The following KCND2 variants were observed in gnomAD, a reference collection of about 807,000 sequenced individuals.
The protein encoded by KCND2 is A-type voltage-gated potassium channel KCND2.
In KCND2, 16 loss-of-function variants were observed where a neutral mutation model predicts 54.4. That is an observed-to-expected ratio of 0.29 (90% CI 0.20 to 0.45). KCND2 has a LOEUF of 0.45. Ranked by LOEUF, KCND2 falls within the 20% of genes least tolerant of loss-of-function variation. KCND2 has a pLI of 1.00. For missense variants in KCND2, 486 were observed against 824.2 expected, an observed-to-expected ratio of 0.59 and a Z score of 5.02; for synonymous variants, 317 against 310.7, an observed-to-expected ratio of 1.02 and a Z score of -0.21.
At chr7:120,591,797 G>C (rs1008754204) in intron 1 of KCND2, among the ~76,000 whole-genome samples, 1 of 152,168 alleles carries the variant, frequency 6.6e-6, no homozygotes, top group African/African-American at 2.4e-5. Context: ...GCAAGTAAAA[G>C]TGTGGTACTT....
At chr7:120,723,023 G>A (rs1792688012) in intron 1 of KCND2, among the ~76,000 whole-genome samples, 1 of 152,200 alleles carries the variant, frequency 6.6e-6, no homozygotes, top group Non-Finnish European at 1.5e-5. Context: ...CAGCAGCGGT[G>A]ACTAGAACCA....
chr7:120,429,061 C>A (rs1305767898), intron 1 of KCND2, among the ~76,000 whole-genome samples: 2 of 152,134 alleles, frequency 1.3e-5, no homozygotes, highest in African/African-American at 4.8e-5. Flanking sequence ...GAGAAGAAAA[C>A]TAGTTCAGTG....
intron 1 of KCND2, among the ~76,000 whole-genome samples, chr7:120,337,367 T>A (rs1237599676): frequency 3.3e-5 from 5 of 152,172 alleles, no homozygotes; most frequent in Non-Finnish European, 7.4e-5. Flanking sequence ...TTATCAAACC[T>A]AAGATGTATG....
chr7:120,737,073 C>T (rs865886700), intron 2 of KCND2, among the ~76,000 whole-genome samples: 1 of 104,954 alleles, frequency 9.5e-6, no homozygotes, highest in Non-Finnish European at 1.9e-5. Context: ...CACACACACA[C>T]ACAAACAAAA....
chr7:120,309,479 A>ATATATATATATG (rs71530038), intron 1 of KCND2, among the ~76,000 whole-genome samples: 1 of 79,502 alleles, frequency 1.3e-5, no homozygotes, highest in African/African-American at 3.6e-5. Flanking sequence ...ATATATACAC[A>ATATATATATATG]CACACACACA....
intron 1 of KCND2, among the ~76,000 whole-genome samples, chr7:120,430,642 A>G (rs1801775270): frequency 6.6e-6 from 1 of 152,204 alleles, no homozygotes; most frequent in Non-Finnish European, 1.5e-5. Context: ...GTATCAAAGA[A>G]GAATGCTTAT....
chr7:120,465,906 T>C (rs541550558), intron 1 of KCND2, among the ~76,000 whole-genome samples: 2 of 152,268 alleles, frequency 1.3e-5, no homozygotes, highest in East Asian at 1.9e-4. Flanking sequence ...GACTACTGTT[T>C]CCTTAAGCTT....
intron 1 of KCND2, among the ~76,000 whole-genome samples, chr7:120,678,525 CAT>C (rs1053606563): frequency 2.7e-5 from 4 of 146,502 alleles, no homozygotes; most frequent in Admixed American, 6.8e-5. Flanking sequence ...CATACATACA[CAT>C]AAATATACAA....
intron 1 of KCND2, among the ~76,000 whole-genome samples, chr7:120,606,194 A>G (rs1026897819): frequency 7.2e-5 from 11 of 152,196 alleles, no homozygotes; most frequent in African/African-American, 2.7e-4. Context: ...AAGTGGCAGT[A>G]TGAAAATTGA....
chr7:120,312,215 T>C (rs1316841729), intron 1 of KCND2, among the ~76,000 whole-genome samples: 1 of 149,614 alleles, frequency 6.7e-6, no homozygotes, highest in African/African-American at 2.5e-5. Flanking sequence ...CCCTTAGGTA[T>C]TTTTTTTTAA....
intron 1 of KCND2, among the ~76,000 whole-genome samples, chr7:120,375,519 A>G (rs1433860666): frequency 3.3e-5 from 5 of 151,840 alleles, no homozygotes; most frequent in African/African-American, 9.7e-5. Flanking sequence ...CGTTTTCAAT[A>G]TGCTGCATGA....
At chr7:120,680,871 T>A (rs942044429) in intron 1 of KCND2, among the ~76,000 whole-genome samples, 2 of 135,690 alleles carry the variant, frequency 1.5e-5, no homozygotes, top group African/African-American at 5.8e-5. Flanking sequence ...TTGTTTTAAA[T>A]AAGTTGATTT....
intron 1 of KCND2, among the ~76,000 whole-genome samples, chr7:120,463,726 T>C (rs901181358): frequency 6.6e-6 from 1 of 152,134 alleles, no homozygotes; most frequent in Non-Finnish European, 1.5e-5. Flanking sequence ...TATCTTGGTT[T>C]ATCAAAATTG....
chr7:120,474,176 T>G (rs1802500370), intron 1 of KCND2, among the ~76,000 whole-genome samples: 1 of 152,156 alleles, frequency 6.6e-6, no homozygotes, highest in Non-Finnish European at 1.5e-5. Flanking sequence ...GGTGAGGCCC[T>G]CCGTGGTGAT....
intron 1 of KCND2, among the ~76,000 whole-genome samples, chr7:120,324,496 C>T (rs1216674998): frequency 6.7e-6 from 1 of 149,596 alleles, no homozygotes; most frequent in South Asian, 2.2e-4. Context: ...AGGAAGGGAT[C>T]CAGTTTCAGC....
intron 1 of KCND2, among the ~76,000 whole-genome samples, chr7:120,687,739 T>A (rs891740933): frequency 1.3e-5 from 2 of 152,150 alleles, no homozygotes; most frequent in Admixed American, 6.5e-5. Context: ...TACATTTTTT[T>A]AAAATGATAA....
chr7:120,671,628 T>C (rs1214719401), intron 1 of KCND2, among the ~76,000 whole-genome samples: 1 of 152,094 alleles, frequency 6.6e-6, no homozygotes, highest in Non-Finnish European at 1.5e-5. Flanking sequence ...CTGTCATACA[T>C]AGGAGACTCC....
At position 120,426,257 on chromosome 7, in the gene KCND2, T is replaced by C. The variant is rs559362670; in HGVS notation, c.1115+150510T>C. ...TTTACAAACTTTGACCTCCCAAAGA[T>C]AGAAAAATCTATCCAAACTTCATTT... On this transcript the variant is annotated intron_variant, in intron 1 of 5. Transcript: ENST00000331113. Among the ~76,000 whole-genome samples the C allele has an allele frequency of 2.6e-5, 4 of 152,288 alleles. No homozygotes were observed. The South Asian group carries it at 8.3e-4, about 32-fold the overall frequency.
intron 1 of KCND2, among the ~76,000 whole-genome samples, chr7:120,478,679 C>CT (rs1362525143): frequency 6.6e-6 from 1 of 151,966 alleles, no homozygotes; most frequent in Non-Finnish European, 1.5e-5. Flanking sequence ...AAGAAAAAAA[C>CT]TGAGTTGAAG....
Sources: allele counts gnomAD v4.1 joint callset (sites outside exome capture counted in the v4.1 genomes callset), GRCh38; gene constraint gnomAD v4.1.1; transcripts MANE v1.5; gene names NCBI Gene and HGNC (gene_info 2026-07-23, HGNC 2026-07-21).